The following CRYBA4 variants were observed in gnomAD, a reference collection of about 807,000 sequenced individuals.
CRYBA4 encodes the protein crystallin beta A4.
CRYBA4 carries 30 observed loss-of-function variants against 31.7 expected under a neutral mutation model. The ratio of observed to expected loss-of-function variants is 0.95; its 90% CI spans 0.71 to 1.28. The LOEUF (loss-of-function observed/expected upper bound fraction) is 1.28. Among genes scored for constraint, CRYBA4 ranks in the 50% most tolerant of loss-of-function variants. The pLI is 0.00. For synonymous variants in CRYBA4, 102 were observed against 102.3 expected (o/e 1.00, Z 0.02); for missense variants, 225 against 260.7 (o/e 0.86, Z 0.94).
the CRYBA4 span, among the ~76,000 whole-genome samples, chr22:26,614,912 A>C: frequency 6.6e-6 from 1 of 152,162 alleles, no homozygotes. Context: ...TGTATACAAA[A>C]GCAAGCAAGC....
chr22:26,620,113 C>T (rs571683503), upstream of CRYBA4, among the ~76,000 whole-genome samples: 48 of 151,864 alleles, frequency 3.2e-4, no homozygotes, highest in African/African-American at 8.9e-4. Context: ...CTTCCTCTCT[C>T]TCAGCCACTT....
At position 26,630,547 on chromosome 22, in the gene CRYBA4, G is replaced by T; in HGVS notation, c.*60G>T. 1 of 1,476,196 alleles carries T rather than the reference G, an allele frequency of 6.8e-7. No homozygotes were observed. Among genetic ancestry groups the T allele is most frequent in the Non-Finnish European group, 9.3e-7 (1 of 1,076,268 alleles). The allele number at this position is 1,476,196 out of a possible 1,614,324, so 91.4% of individuals were successfully genotyped here. On this transcript the variant is annotated 3_prime_UTR_variant, in exon 6 of 6. Transcript: ENST00000354760. ...TATCTGCAATGGAGGCGCTCTGGAG[G>T]CTGTGGTGTGTTCTCTCCTTCTGCC...
chr22:26,609,016 G>A, the CRYBA4 span, among the ~76,000 whole-genome samples: 1 of 152,210 alleles, frequency 6.6e-6, no homozygotes, highest in African/African-American at 2.4e-5. Context: ...GGCAGTGCAG[G>A]TGGGGTAGAT....
chr22:26,611,178 C>T, the CRYBA4 span, among the ~76,000 whole-genome samples: 1 of 152,194 alleles, frequency 6.6e-6, no homozygotes, highest in African/African-American at 2.4e-5. Context: ...GAGTTGAATC[C>T]TGGCTGTGCC....
At chr22:26,607,575 A>AAG in the CRYBA4 span, among the ~76,000 whole-genome samples, 4 of 151,796 alleles carry the variant, frequency 2.6e-5, no homozygotes, top group Admixed American at 2.6e-4. Flanking sequence ...AAAAAAAAAA[A>AAG]AAAAGCTCCC....
the CRYBA4 span, among the ~76,000 whole-genome samples, chr22:26,593,477 T>C: frequency 2.6e-5 from 4 of 152,074 alleles, no homozygotes; most frequent in African/African-American, 9.6e-5. Flanking sequence ...GTCTCTACTT[T>C]TTTTTTTTAA....
chr22:26,602,047 T>TA, the CRYBA4 span: 2 of 1,612,176 alleles, frequency 1.2e-6, no homozygotes, highest in Non-Finnish European at 1.7e-6. Context: ...CCGGGTCAGG[T>TA]GTGTGAAGTA....
At chr22:26,625,373 G>A (rs985842340) in intron 3 of CRYBA4, 108 bp from the exon 4 acceptor site, 2 of 1,308,242 alleles carry the variant, frequency 1.5e-6, no homozygotes, top group African/African-American at 3.0e-5. Flanking sequence ...TGGGGGCACA[G>A]TCACCCCTGA....
At chr22:26,606,117 T>C in the CRYBA4 span, among the ~76,000 whole-genome samples, 4 of 152,308 alleles carry the variant, frequency 2.6e-5, no homozygotes, top group African/African-American at 9.6e-5. Context: ...AGCCAAAATA[T>C]TGGGCACCCC....
intron 3 of CRYBA4, among the ~76,000 whole-genome samples, 167 bp downstream of exon 3, chr22:26,623,519 G>T (rs1324995536): frequency 1.3e-5 from 2 of 152,074 alleles, no homozygotes; most frequent in African/African-American, 2.4e-5. Flanking sequence ...GATTATGCAG[G>T]TTGCGCACTG....
At chr22:26,623,661 C>T (rs191295705) in intron 3 of CRYBA4, among the ~76,000 whole-genome samples, 3 of 152,118 alleles carry the variant, frequency 2.0e-5, no homozygotes, top group Admixed American at 6.5e-5. Context: ...CAACATCACC[C>T]GCCTAAAGTA....
chr22:26,627,366 T>TTCTC (rs1357903844), intron 4 of CRYBA4, among the ~76,000 whole-genome samples: 1 of 37,744 alleles, frequency 2.6e-5, no homozygotes, highest in African/African-American at 1.9e-4. Flanking sequence ...CCTCCTTTCT[T>TTCTC]TCTTTCTTTC....
At chr22:26,593,970 A>G in the CRYBA4 span, among the ~76,000 whole-genome samples, 1 of 152,222 alleles carries the variant, frequency 6.6e-6, no homozygotes, top group African/African-American at 2.4e-5. Flanking sequence ...AGGCTCCAGC[A>G]GGTAATTTGA....
At chr22:26,597,020 C>T in the CRYBA4 span, among the ~76,000 whole-genome samples, 3 of 152,310 alleles carry the variant, frequency 2.0e-5, no homozygotes, top group South Asian at 6.2e-4. Context: ...ACAGCCCTGT[C>T]TTCTAGTCCA....
Position 26,627,359 on chromosome 22 carries a change from C to CCCTCCCTCCCTTCTTT in CRYBA4, c.301-928_301-927insCTCCCTCCCTTCTTTC, listed in dbSNP as rs1404229613. Among the ~76,000 whole-genome samples the CCCTCCCTCCCTTCTTT allele has an allele frequency of 1.0e-3, 42 of 41,862 alleles. 2 individuals are homozygous for CCCTCCCTCCCTTCTTT. The highest frequency in any genetic ancestry group is 5.2e-3 in the Admixed American group (18 of 3,446). 27.5% of individuals were successfully genotyped at this position (41,862 alleles called of 152,430 possible). A position where few individuals can be genotyped will look rare whatever the true frequency, so the allele number is the denominator to read the frequency against. ...CCCCTCCCTCCCTCCCTCCCTCCCT[C>CCCTCCCTCCCTTCTTT]CTTTCTTTCTTTCTTTCTTTCTTTC... On this transcript the variant is annotated intron_variant, in intron 4 of 5. Transcript: ENST00000354760.
chr22:26,624,518 G>C (rs999231824), intron 3 of CRYBA4, among the ~76,000 whole-genome samples: 1 of 152,248 alleles, frequency 6.6e-6, no homozygotes, highest in African/African-American at 2.4e-5. Flanking sequence ...TGCTACACCT[G>C]TGAGTGCCAC....
At chr22:26,611,986 G>C in the CRYBA4 span, 5 of 971,926 alleles carry the variant, frequency 5.1e-6, no homozygotes, top group Non-Finnish European at 8.3e-6. Flanking sequence ...CGCAGGCACA[G>C]AGCAGATGCT....
At chr22:26,613,907 G>T in the CRYBA4 span, among the ~76,000 whole-genome samples, 1 of 152,194 alleles carries the variant, frequency 6.6e-6, no homozygotes, top group African/African-American at 2.4e-5. Flanking sequence ...CTGAGAAAGA[G>T]AATGCGCACC....
At chr22:26,612,467 A>G in the CRYBA4 span, among the ~76,000 whole-genome samples, 1 of 152,154 alleles carries the variant, frequency 6.6e-6, no homozygotes, top group East Asian at 1.9e-4. Flanking sequence ...GGCTCAAGCG[A>G]TCCTCCCACC....
Sources: gnomAD v4.1 joint callset for allele counts (sites outside exome capture counted in the v4.1 genomes callset) on GRCh38, gnomAD v4.1.1 for gene constraint, MANE v1.5 for transcripts, NCBI Gene and HGNC (gene_info 2026-07-23, HGNC 2026-07-21) for gene names.